Variants in MMP26 observed in about 807,000 individuals in gnomAD.
MMP26 encodes the protein matrix metalloproteinase-26.
A neutral mutation model predicts 31.0 loss-of-function variants in MMP26; 33 were observed. The ratio of observed to expected loss-of-function variants is 1.06; its 90% CI spans 0.81 to 1.42. The LOEUF (loss-of-function observed/expected upper bound fraction) is 1.42. Among genes scored for constraint, MMP26 ranks in the 40% most tolerant of loss-of-function variants. MMP26 has a pLI of 0.00. For missense variants in MMP26, 347 were observed against 316.1 expected, an observed-to-expected ratio of 1.10 and a Z score of -0.74; for synonymous variants, 122 against 114.9, an observed-to-expected ratio of 1.06 and a Z score of -0.40.
intron 2 of MMP26, among the ~76,000 whole-genome samples, chr11:4,901,870 A>T (rs970870809): frequency 7.9e-5 from 12 of 152,344 alleles, no homozygotes; most frequent in Admixed American, 7.8e-4. Flanking sequence ...AATATTATGC[A>T]AAATATCCAA....
At chr11:4,873,548 G>A (rs1013842660) in intron 2 of MMP26, among the ~76,000 whole-genome samples, 1 of 151,996 alleles carries the variant, frequency 6.6e-6, no homozygotes, top group Non-Finnish European at 1.5e-5. Flanking sequence ...AGGTAATACA[G>A]AATTTGATCA....
At chr11:4,895,636 T>C (rs1370416579) in intron 2 of MMP26, among the ~76,000 whole-genome samples, 1 of 152,178 alleles carries the variant, frequency 6.6e-6, no homozygotes, top group Non-Finnish European at 1.5e-5. Flanking sequence ...AGCTGTAAGA[T>C]TTAGTGGCTG....
At chr11:4,853,316 A>G (rs918814892) in intron 2 of MMP26, among the ~76,000 whole-genome samples, 9 of 152,222 alleles carry the variant, frequency 5.9e-5, no homozygotes, top group African/African-American at 2.2e-4. Context: ...CAAGGTATAC[A>G]TATATCAAAA....
At chr11:4,759,250 G>A (rs1434883777) in intron 1 of MMP26, among the ~76,000 whole-genome samples, 1 of 151,330 alleles carries the variant, frequency 6.6e-6, no homozygotes, top group Non-Finnish European at 1.5e-5. Flanking sequence ...TAAAACAATT[G>A]TTATTAATGT....
At chr11:4,848,964 A>T (rs200985283) in intron 2 of MMP26, 1 of 1,614,148 alleles carries the variant, frequency 6.2e-7, no homozygotes, top group East Asian at 2.2e-5. Flanking sequence ...CAGGGCAGTG[A>T]CCAATCCAAT....
At chr11:4,923,817 C>A in intron 2 of MMP26, 13 of 1,613,968 alleles carry the variant, frequency 8.1e-6, no homozygotes, top group Non-Finnish European at 1.1e-5. Flanking sequence ...TGAGCCAGCA[C>A]ATGGGAGTGG....
intron 2 of MMP26, chr11:4,914,832 G>T: frequency 6.2e-7 from 1 of 1,614,042 alleles, no homozygotes; most frequent in Non-Finnish European, 8.5e-7. Flanking sequence ...ATGACCACCT[G>T]GACCAGGTGG....
intron 2 of MMP26, among the ~76,000 whole-genome samples, chr11:4,791,633 TTG>T (rs925647156): frequency 6.6e-6 from 1 of 152,210 alleles, no homozygotes; most frequent in Non-Finnish European, 1.5e-5. Context: ...GCAATTTATT[TTG>T]TCTTATTTCT....
chr11:4,987,297 T>C (rs79729609), intron 2 of MMP26, among the ~76,000 whole-genome samples: 3,028 of 152,262 alleles, frequency 0.02, 74 homozygotes, highest in African/African-American at 0.043. Context: ...TGTCAACTTA[T>C]TATCAATGCT....
chr11:4,805,005 A>G (rs569168524), intron 2 of MMP26, among the ~76,000 whole-genome samples: 1 of 151,940 alleles, frequency 6.6e-6, no homozygotes, highest in Admixed American at 6.6e-5. Context: ...ATTTTTCTTG[A>G]AAGTAGCATC....
Position 4,795,843 on chromosome 11 carries a change from G to GGAGAGA in MMP26, c.-145+28525_-145+28530dup, listed in dbSNP as rs142600384. Among the ~76,000 whole-genome samples, 730 of 142,254 alleles carry GGAGAGA rather than the reference G, an allele frequency of 5.1e-3. 5 individuals are homozygous for GGAGAGA. The highest frequency in any genetic ancestry group is 0.015 in the African/African-American group (581 of 38,640). The allele number at this position is 142,254 out of a possible 152,430, so 93.3% of individuals were successfully genotyped here. A position where few individuals can be genotyped will look rare whatever the true frequency, so the allele number is the denominator to read the frequency against. On this transcript the variant is annotated intron_variant, in intron 2 of 7. Coordinates refer to ENST00000380390, the MANE Select transcript of MMP26 (RefSeq NM_021801.5). Reference sequence around the variant, plus strand: ...CAGGGAGAGAGAAAGAGAGAGAGAGGGAGAGAGAGAGAGAGAGAGAGAGAG... The same window carrying GGAGAGA: ...CAGGGAGAGAGAAAGAGAGAGAGAGGGAGAGAGAGAGAGAGAGAGAGAGAGAGAGAG...
chr11:4,843,061 G>T (rs943644279), intron 2 of MMP26, among the ~76,000 whole-genome samples: 3 of 152,198 alleles, frequency 2.0e-5, no homozygotes, highest in Non-Finnish European at 4.4e-5. Flanking sequence ...GCAAGGCGTG[G>T]CCTCTCAAGG....
chr11:4,791,298 A>G (rs1849023066), intron 2 of MMP26, among the ~76,000 whole-genome samples: 1 of 152,198 alleles, frequency 6.6e-6, no homozygotes, highest in African/African-American at 2.4e-5. Context: ...CTTTGAATTA[A>G]TCCTTTAGAT....
At position 4,951,812 on chromosome 11, in the gene MMP26, T is replaced by C. The variant is rs760080211; in HGVS notation, c.-144-36256T>C. ...TTTTAAGTGGATCTGAGAGTGACAG[T>C]TCTCTCTCCTCTCTTCATTGAGAGA... is the stretch of plus-strand genomic sequence containing the variant. On this transcript the variant is annotated intron_variant, in intron 2 of 7. Transcript: ENST00000380390. 8.8e-5 allele frequency among the ~76,000 whole-genome samples: 11 copies of C among 124,338 alleles called. 4 individuals carry two copies. The highest frequency in any genetic ancestry group is 1.8e-4 in the Non-Finnish European group (10 of 54,812). The allele number at this position is 124,338 out of a possible 152,430, so 81.6% of individuals were successfully genotyped here.
intron 2 of MMP26, among the ~76,000 whole-genome samples, chr11:4,824,912 C>T (rs913337029): frequency 2.6e-5 from 4 of 152,100 alleles, no homozygotes; most frequent in African/African-American, 7.2e-5. Flanking sequence ...CTGGATCTAA[C>T]ACCTTCAAGA....
At chr11:4,755,347 G>A (rs547386467) in intron 1 of MMP26, among the ~76,000 whole-genome samples, 1 of 152,040 alleles carries the variant, frequency 6.6e-6, no homozygotes, top group Admixed American at 6.6e-5. Flanking sequence ...GATGGATGTG[G>A]ATAGATATAA....
chr11:4,869,327 G>T lies in MMP26; in HGVS notation c.-145+101986G>T, dbSNP rs184949910. On this transcript the variant is annotated intron_variant, in intron 2 of 7. Coordinates refer to ENST00000380390, the MANE Select transcript of MMP26 (RefSeq NM_021801.5). Reference sequence around the variant, plus strand: ...TTTTACAATCTACCCATCTGACAAAGGGCTAATATCCAGAATCTACAAAGA... The same window carrying T: ...TTTTACAATCTACCCATCTGACAAATGGCTAATATCCAGAATCTACAAAGA... Among the ~76,000 whole-genome samples, 384 of 152,218 alleles carry T rather than the reference G, an allele frequency of 2.5e-3. 1 individual carries two copies. The highest frequency in any genetic ancestry group is 8.8e-3 in the African/African-American group (366 of 41,538).
chr11:4,706,903 C>T (rs1847788232), intron 1 of MMP26, among the ~76,000 whole-genome samples: 1 of 152,158 alleles, frequency 6.6e-6, no homozygotes. Flanking sequence ...TAGCATGTGT[C>T]AGAATATTAC....
chr11:4,746,646 C>G (rs1423285960), intron 1 of MMP26, among the ~76,000 whole-genome samples: 1 of 152,038 alleles, frequency 6.6e-6, no homozygotes, highest in Non-Finnish European at 1.5e-5. Context: ...CCAGCCGGGC[C>G]AACAAGGTGA....
Sources: gnomAD v4.1 joint callset for allele counts (sites outside exome capture counted in the v4.1 genomes callset) on GRCh38, gnomAD v4.1.1 for gene constraint, MANE v1.5 for transcripts, NCBI Gene and HGNC (gene_info 2026-07-23, HGNC 2026-07-21) for gene names.